The following PRSS3 variants were observed in gnomAD, a reference collection of about 807,000 sequenced individuals.
The protein encoded by PRSS3 is trypsin-3.
In PRSS3, 14 loss-of-function variants were observed where a neutral mutation model predicts 20.8. The observed-to-expected ratio is 0.67, with a 90% CI of 0.44 to 1.05. PRSS3 has a LOEUF of 1.05. Among genes scored for constraint, PRSS3 ranks in the 50% least tolerant of loss-of-function variants. PRSS3 has a pLI of 0.00. For missense variants in PRSS3, 237 were observed against 306.4 expected, an observed-to-expected ratio of 0.77 and a Z score of 1.69; for synonymous variants, 91 against 117.6, an observed-to-expected ratio of 0.77 and a Z score of 1.46.
At chr9:33,765,467 C>T (rs1193071430) in intron 1 of PRSS3, among the ~76,000 whole-genome samples, 1 of 152,142 alleles carries the variant, frequency 6.6e-6, no homozygotes, top group Non-Finnish European at 1.5e-5. Context: ...TCCACTTAAA[C>T]AAAACACTTG....
At chr9:33,773,300 G>A (rs951875860) in intron 1 of PRSS3, among the ~76,000 whole-genome samples, 1 of 152,190 alleles carries the variant, frequency 6.6e-6, no homozygotes, top group South Asian at 2.1e-4. Context: ...AGGAACAGTT[G>A]CCCAAACCTC....
chr9:33,797,891 T>C lies in PRSS3; in HGVS notation c.263T>C (p.Ile88Thr). Residue 88 changes from isoleucine to threonine, a missense_variant, in exon 3 of 5, where the codon ATC becomes ACC. Transcript: ENST00000379405. ...IKVLEGNEQFINAAKIIRHPK... is the reference protein window; with the variant it reads ...IKVLEGNEQFTNAAKIIRHPK... ...GTCCTGGAGGGGAATGAGCAGTTCA[T>C]CAATGCGGCCAAGATCATCCGCCAC... 1 of 1,614,236 alleles carries C rather than the reference T, an allele frequency of 6.2e-7. No individual in the cohort carries two copies. The highest frequency in any genetic ancestry group is 2.2e-5 in the East Asian group (1 of 44,886).
At chr9:33,771,477 C>G (rs949401097) in intron 1 of PRSS3, among the ~76,000 whole-genome samples, 3 of 151,756 alleles carry the variant, frequency 2.0e-5, no homozygotes, top group Middle Eastern at 3.2e-3. Context: ...AGGTGCCCAC[C>G]ACCACGCCCG....
At chr9:33,786,175 T>A in intron 1 of PRSS3, 1 of 458,606 alleles carries the variant, frequency 2.2e-6, no homozygotes, top group East Asian at 4.5e-5. Flanking sequence ...GAACTTGAGT[T>A]TCACTTCTTA....
At chr9:33,776,246 CAGAG>C (rs1026415419) in intron 1 of PRSS3, among the ~76,000 whole-genome samples, 5 of 151,878 alleles carry the variant, frequency 3.3e-5, no homozygotes, top group African/African-American at 9.7e-5. Context: ...ATTTGAAAAA[CAGAG>C]AGAAAAAAAT....
chr9:33,795,395 C>G (rs1205251571), upstream of PRSS3: 65 of 812,096 alleles, frequency 8.0e-5, no homozygotes, highest in Non-Finnish European at 1.2e-4. Flanking sequence ...CTGTGAATCA[C>G]AAACCCACAG....
chr9:33,779,346 G>A (rs1824077276), intron 1 of PRSS3, among the ~76,000 whole-genome samples: 2 of 152,164 alleles, frequency 1.3e-5, no homozygotes, highest in South Asian at 2.1e-4. Flanking sequence ...AAGTAACCCG[G>A]TAAAATGATC....
intron 1 of PRSS3, among the ~76,000 whole-genome samples, chr9:33,774,319 C>T (rs1362224427): frequency 6.6e-6 from 1 of 152,176 alleles, no homozygotes; most frequent in African/African-American, 2.4e-5. Flanking sequence ...CCCATCAAAT[C>T]AAAGTACTCA....
chr9:33,755,603 G>A (rs1005519243), intron 1 of PRSS3, among the ~76,000 whole-genome samples: 11 of 152,058 alleles, frequency 7.2e-5, no homozygotes, highest in African/African-American at 2.4e-4. Context: ...TGTTTGGTGT[G>A]TATATTATTC....
chr9:33,787,577 T>A (rs1415333634), intron 1 of PRSS3, among the ~76,000 whole-genome samples: 2 of 152,196 alleles, frequency 1.3e-5, no homozygotes, highest in Non-Finnish European at 2.9e-5. Flanking sequence ...CCGTTTACTA[T>A]GTAATCTGTA....
chr9:33,765,489 T>C (rs1027406699), intron 1 of PRSS3, among the ~76,000 whole-genome samples: 1 of 152,226 alleles, frequency 6.6e-6, no homozygotes, highest in African/African-American at 2.4e-5. Context: ...CAACTTCTCT[T>C]TGGCATATTC....
At chr9:33,791,309 G>A (rs1342660075), upstream of PRSS3, among the ~76,000 whole-genome samples, 2 of 152,174 alleles carry the variant, frequency 1.3e-5, no homozygotes, top group African/African-American at 2.4e-5. Flanking sequence ...TTGTGCTGGT[G>A]CCTGTGTGGA....
intron 1 of PRSS3, among the ~76,000 whole-genome samples, chr9:33,757,432 G>T (rs2118761257): frequency 6.6e-6 from 1 of 151,108 alleles, no homozygotes; most frequent in East Asian, 1.9e-4. Flanking sequence ...TTTTTCCCTT[G>T]TACAGCCCCA....
intron 1 of PRSS3, among the ~76,000 whole-genome samples, chr9:33,769,102 C>T (rs780935745): frequency 2.6e-5 from 4 of 152,132 alleles, no homozygotes; most frequent in African/African-American, 9.7e-5. Context: ...AAATGATGAA[C>T]TTGGATATTT....
At chr9:33,754,003 T>C (rs1015224884) in intron 1 of PRSS3, among the ~76,000 whole-genome samples, 1 of 152,186 alleles carries the variant, frequency 6.6e-6, no homozygotes, top group Non-Finnish European at 1.5e-5. Context: ...GGCAGAGGCA[T>C]GCTCCAGAAG....
At chr9:33,766,190 G>A (rs1295497884) in intron 1 of PRSS3, among the ~76,000 whole-genome samples, 4 of 149,556 alleles carry the variant, frequency 2.7e-5, no homozygotes, top group Middle Eastern at 3.5e-3. Flanking sequence ...GCTTGAACCC[G>A]GGAGGTAGAG....
At chr9:33,755,177 A>G (rs1465061210) in intron 1 of PRSS3, among the ~76,000 whole-genome samples, 3 of 152,272 alleles carry the variant, frequency 2.0e-5, no homozygotes, top group East Asian at 3.9e-4. Flanking sequence ...GAAACACCGA[A>G]TGTCGGGTAG....
chr9:33,771,799 CTTTTT>C (rs1823719314), intron 1 of PRSS3, among the ~76,000 whole-genome samples: 1 of 149,436 alleles, frequency 6.7e-6, no homozygotes, highest in Non-Finnish European at 1.5e-5. Context: ...CTTTTCTTTT[CTTTTT>C]GTTTTTTTGT....
intron 1 of PRSS3, among the ~76,000 whole-genome samples, chr9:33,774,864 T>C (rs1400235235): frequency 4.6e-5 from 7 of 151,906 alleles, no homozygotes; most frequent in Admixed American, 4.6e-4. Flanking sequence ...CGCACGCCTG[T>C]AATCCCAGCT....
Sources: gnomAD v4.1 joint callset for allele counts (sites outside exome capture counted in the v4.1 genomes callset) on GRCh38, gnomAD v4.1.1 for gene constraint, MANE v1.5 for transcripts, NCBI Gene and HGNC (gene_info 2026-07-23, HGNC 2026-07-21) for gene names.